Variants in TRAP1 observed in about 807,000 individuals in gnomAD.
TRAP1 encodes the protein heat shock protein 75 kDa, mitochondrial.
TRAP1 carries 102 observed loss-of-function variants against 89.1 expected under a neutral mutation model. That is an observed-to-expected ratio of 1.15 (90% CI 0.98 to 1.35). The LOEUF (loss-of-function observed/expected upper bound fraction) is 1.35. Ranked by LOEUF, TRAP1 falls within the 40% of genes most tolerant of loss-of-function variation. The pLI, the probability that TRAP1 is intolerant of heterozygous loss-of-function variation, is 0.00. For synonymous variants in TRAP1, 508 were observed against 388.0 expected, an observed-to-expected ratio of 1.31 and a Z score of -3.64; for missense variants, 1,256 against 945.3, an observed-to-expected ratio of 1.33 and a Z score of -4.31.
At chr16:3,670,649 A>G (rs2050901133) in intron 11 of TRAP1, among the ~76,000 whole-genome samples, 1 of 152,200 alleles carries the variant, frequency 6.6e-6, no homozygotes, top group South Asian at 2.1e-4. Context: ...GGCTGCAGTG[A>G]GCTGTGATCA....
At chr16:3,673,768 C>T (rs868660602) in intron 9 of TRAP1, among the ~76,000 whole-genome samples, 2 of 152,136 alleles carry the variant, frequency 1.3e-5, no homozygotes, top group African/African-American at 4.8e-5. Flanking sequence ...CTCTCAGCCC[C>T]GAATAGGTCT....
chr16:3,658,894 A>G (rs1457904805), intron 16 of TRAP1, 29 bp from the exon 17 acceptor site: 1 of 1,612,490 alleles, frequency 6.2e-7, no homozygotes, highest in Non-Finnish European at 8.5e-7. Flanking sequence ...CAGAAAAAGC[A>G]GCTCAGTACC....
intron 1 of TRAP1, among the ~76,000 whole-genome samples, chr16:3,702,365 G>A (rs1302967524): frequency 6.6e-6 from 1 of 151,830 alleles, no homozygotes; most frequent in Admixed American, 6.6e-5. Flanking sequence ...CAAGGTGAGA[G>A]CCAGAAGGGG....
chr16:3,668,976 C>T (rs1452424900), intron 11 of TRAP1, among the ~76,000 whole-genome samples: 1 of 152,236 alleles, frequency 6.6e-6, no homozygotes, highest in African/African-American at 2.4e-5. Flanking sequence ...CCTGCCTCCA[C>T]TTCATCCGTG....
At chr16:3,695,122 G>C (rs563615370) in intron 1 of TRAP1, among the ~76,000 whole-genome samples, 1 of 152,176 alleles carries the variant, frequency 6.6e-6, no homozygotes, top group African/African-American at 2.4e-5. Flanking sequence ...GCCCACCCAA[G>C]TGAACTCATC....
At chr16:3,707,184 CTTTTT>C (rs747339831) in intron 1 of TRAP1, among the ~76,000 whole-genome samples, 1 of 130,044 alleles carries the variant, frequency 7.7e-6, no homozygotes. Context: ...AAGAGGAAAT[CTTTTT>C]TTTTTTTTTT....
intron 12 of TRAP1, chr16:3,664,991 C>G (rs533182792): frequency 6.5e-6 from 1 of 154,014 alleles, no homozygotes; most frequent in Non-Finnish European, 1.4e-5. Context: ...GGAGCTGCAG[C>G]TGGAAGGACG....
chr16:3,679,602 T>C, intron 5 of TRAP1, 117 bp downstream of exon 5: 1 of 1,002,794 alleles, frequency 1.0e-6, no homozygotes, highest in African/African-American at 1.6e-5. Context: ...CAGTACCCAC[T>C]GCGTGGCATG....
rs1226891507 is a variant in TRAP1, at chr16:3,674,440, A to G, written c.943T>C (p.Tyr315His). 2 of 1,614,114 alleles carry G rather than the reference A, an allele frequency of 1.2e-6. No homozygotes were observed. Among genetic ancestry groups the G allele is most frequent in the Non-Finnish European group, 1.7e-6 (2 of 1,180,038 alleles). ...TCGTGAGCCTGCGCGACGTAGCGGT[A>G]GAACTCCTCATGTTGCCACTCACGG... ...DVREWQHEEF[Y>H]RYVAQAHDKP... The change falls in exon 9 of 18, where the codon TAC becomes CAC. Residue 315 changes from tyrosine to histidine, a missense_variant. Coordinates refer to ENST00000246957, the MANE Select transcript of TRAP1 (RefSeq NM_016292.3).
intron 1 of TRAP1, among the ~76,000 whole-genome samples, chr16:3,691,402 G>A (rs2051212769): frequency 2.0e-5 from 3 of 152,096 alleles, no homozygotes; most frequent in African/African-American, 4.8e-5. Flanking sequence ...AAAATTTTTT[G>A]TAGAAATGGG....
In TRAP1 at chr16:3,658,187, G is replaced by A; in HGVS notation, c.2057C>T (p.Pro686Leu). The A allele has an allele frequency of 4.3e-6, 7 of 1,614,094 alleles. No homozygotes were observed. The highest frequency in any genetic ancestry group is 5.1e-6 in the Non-Finnish European group (6 of 1,180,008). The change falls in exon 18 of 18, where the codon CCT becomes CTT. Residue 686 changes from proline (P) to leucine (L), a missense_variant. Pro to Leu is a moderately conservative substitution (Grantham distance 98). Transcript: ENST00000246957. ...ATTCAAGCGGCCCACCATGGCCCTA[G>A]GGTCGTCAACAAGTCCAGCAGCAAT... ...AMIAAGLVDD[P>L]RAMVGRLNEL...
chr16:3,666,201 C>T, intron 11 of TRAP1, 83 bp from the exon 12 acceptor site: 1 of 1,486,380 alleles, frequency 6.7e-7, no homozygotes, highest in East Asian at 2.3e-5. Flanking sequence ...AATGTTCAGC[C>T]CCGCTAAGAA....
In TRAP1 at chr16:3,664,491, C is replaced by A. The variant is rs143570617; in HGVS notation, c.1384-32G>T. On this transcript the variant is annotated intron_variant, in intron 12 of 17. Coordinates refer to ENST00000246957, the MANE Select transcript of TRAP1 (RefSeq NM_016292.3). ...GGGACGGGGCAGGTCACCACTTATT[C>A]CAGGCCCATGGGCTCAATGTTGCCC... is the stretch of plus-strand genomic sequence containing the variant. The A allele has an allele frequency of 3.6e-4, 576 of 1,584,964 alleles. 1 individual carries two copies. In the African/African-American group the frequency reaches 7.0e-3, roughly 19 times the overall value.
chr16:3,695,129 CATCTT>C (rs747263709), intron 1 of TRAP1, among the ~76,000 whole-genome samples: 2 of 152,148 alleles, frequency 1.3e-5, no homozygotes, highest in African/African-American at 2.4e-5. Context: ...CAAGTGAACT[CATCTT>C]AACTTGATCA....
At chr16:3,707,526 G>C (rs1485186713) in intron 1 of TRAP1, among the ~76,000 whole-genome samples, 1 of 151,508 alleles carries the variant, frequency 6.6e-6, no homozygotes, top group Non-Finnish European at 1.5e-5. Context: ...AACCCAAAAG[G>C]CCATAAATAT....
rs749341264 is a variant in TRAP1 at position 3,671,732 on chromosome 16, C to T, written c.1225G>A (p.Ala409Thr). The T allele has an allele frequency of 3.3e-5, 53 of 1,612,732 alleles. No homozygotes were observed. The highest frequency in any genetic ancestry group is 1.8e-4 in the East Asian group (8 of 44,892). ...CGGCCCGAGGCTCACCTGATGAGTGCGCTCTCCTGCAGCAGCTCCCGGCTG... is the reference window on the plus strand; with the variant it reads ...CGGCCCGAGGCTCACCTGATGAGTGTGCTCTCCTGCAGCAGCTCCCGGCTG... ...NLSRELLQES[A>T]LIRKLRDVLQ... The change falls in exon 11 of 18, where the codon GCA (alanine) becomes ACA (threonine). Residue 409 changes from alanine to threonine, a missense_variant. Coordinates refer to ENST00000246957, the MANE Select transcript of TRAP1 (RefSeq NM_016292.3).
At chr16:3,703,693 C>T (rs2051400001) in intron 1 of TRAP1, among the ~76,000 whole-genome samples, 1 of 151,916 alleles carries the variant, frequency 6.6e-6, no homozygotes. Flanking sequence ...CAATAATCTA[C>T]AAAATAAATA....
intron 4 of TRAP1, among the ~76,000 whole-genome samples, chr16:3,682,431 G>C (rs558095765): frequency 6.6e-6 from 1 of 151,236 alleles, no homozygotes; most frequent in African/African-American, 2.4e-5. Flanking sequence ...ACGCAGGCTA[G>C]AGTGCTGGAG....
chr16:3,672,988 C>G lies in TRAP1; in HGVS notation c.1045-168G>C, dbSNP rs563658228. On this transcript the variant is annotated intron_variant, in intron 9 of 17. Transcript: ENST00000246957. ...TGCAGGGGCCCCACGATGCCCCACA[C>G]TGTGGCTCTGCAGGGGCTGAAGGCC... Among the ~76,000 whole-genome samples the G allele has an allele frequency of 2.3e-3, 355 of 152,280 alleles. 1 individual carries two copies. The highest frequency in any genetic ancestry group is 8.2e-3 in the African/African-American group (339 of 41,554).
Sources: gnomAD v4.1 joint callset for allele counts (sites outside exome capture counted in the v4.1 genomes callset) on GRCh38, gnomAD v4.1.1 for gene constraint, MANE v1.5 for transcripts, NCBI Gene and HGNC (gene_info 2026-07-23, HGNC 2026-07-21) for gene names.